Variants in TDRD3 observed in about 807,000 individuals in gnomAD.
The protein encoded by TDRD3 is tudor domain-containing protein 3.
Under a neutral mutation model 86.7 loss-of-function variants are expected in TDRD3, and 45 were observed. The ratio of observed to expected loss-of-function variants is 0.52; its 90% CI spans 0.41 to 0.67. TDRD3 has a LOEUF of 0.67. TDRD3 is among the 30% of genes least tolerant of loss of function. The pLI is 0.00. For synonymous variants in TDRD3, 298 were observed against 301.7 expected, an observed-to-expected ratio of 0.99 and a Z score of 0.13; for missense variants, 814 against 889.0, an observed-to-expected ratio of 0.92 and a Z score of 1.07.
At chr13:60,509,979 T>C (rs1332179923) in intron 9 of TDRD3, 60 bp downstream of exon 9, 2 of 1,554,790 alleles carry the variant, frequency 1.3e-6, no homozygotes, top group African/African-American at 2.7e-5. Context: ...TAATATATGT[T>C]ATTGACAGAG....
intron 12 of TDRD3, among the ~76,000 whole-genome samples, chr13:60,538,644 T>G (rs1268049839): frequency 6.6e-6 from 1 of 152,136 alleles, no homozygotes; most frequent in Non-Finnish European, 1.5e-5. Flanking sequence ...TTCCTACCAC[T>G]GTATGAGAAA....
At chr13:60,467,112 G>A in intron 4 of TDRD3, 126 bp from the exon 5 acceptor site, 1 of 1,107,694 alleles carries the variant, frequency 9.0e-7, no homozygotes, top group Non-Finnish European at 1.3e-6. Context: ...TGCATTAGCT[G>A]TTTTTCCTAA....
intron 1 of TDRD3, among the ~76,000 whole-genome samples, chr13:60,415,993 T>C (rs991422305): frequency 6.6e-6 from 1 of 152,214 alleles, no homozygotes; most frequent in Admixed American, 6.5e-5. Flanking sequence ...TATTTAAAAA[T>C]AGAATCAGTT....
chr13:60,507,060 T>C (rs1956954417), intron 8 of TDRD3, among the ~76,000 whole-genome samples: 1 of 152,170 alleles, frequency 6.6e-6, no homozygotes, highest in African/African-American at 2.4e-5. Context: ...GCAATCCTAG[T>C]GTCTGATGAA....
intron 5 of TDRD3, among the ~76,000 whole-genome samples, chr13:60,479,266 A>G (rs539877167): frequency 2.0e-5 from 3 of 152,360 alleles, no homozygotes; most frequent in African/African-American, 7.2e-5. Context: ...CCCAGAAGTT[A>G]TTCAGGAGTA....
chr13:60,564,615 G>A (rs567959340), intron 12 of TDRD3, among the ~76,000 whole-genome samples: 1 of 152,264 alleles, frequency 6.6e-6, no homozygotes. Context: ...TTGGTTTATA[G>A]ACTCATCTGT....
intron 12 of TDRD3, among the ~76,000 whole-genome samples, chr13:60,563,077 A>T (rs1958372692): frequency 6.6e-6 from 1 of 152,004 alleles, no homozygotes; most frequent in Non-Finnish European, 1.5e-5. Context: ...AAACTACAAA[A>T]ATTAGCTAGG....
chr13:60,463,743 C>T (rs537719657), intron 4 of TDRD3, among the ~76,000 whole-genome samples: 1 of 152,216 alleles, frequency 6.6e-6, no homozygotes, highest in East Asian at 1.9e-4. Flanking sequence ...ATACACATGG[C>T]CAACAGGCAT....
intron 1 of TDRD3, among the ~76,000 whole-genome samples, chr13:60,403,629 TG>T (rs1433729330): frequency 6.6e-6 from 1 of 152,052 alleles, no homozygotes; most frequent in Non-Finnish European, 1.5e-5. Context: ...TTAAGAAGGG[TG>T]TGAAATCAAA....
At chr13:60,429,902 A>G (rs1015666204) in intron 1 of TDRD3, among the ~76,000 whole-genome samples, 1 of 152,170 alleles carries the variant, frequency 6.6e-6, no homozygotes, top group African/African-American at 2.4e-5. Flanking sequence ...ATTTTGTAGA[A>G]TAAACAAGGG....
chr13:60,432,077 G>A (rs980540773), intron 1 of TDRD3, among the ~76,000 whole-genome samples: 1 of 151,970 alleles, frequency 6.6e-6, no homozygotes, highest in Non-Finnish European at 1.5e-5. Flanking sequence ...ATTAATAGAA[G>A]AGGTACTTAG....
At chr13:60,410,759 T>C (rs1397112594) in intron 1 of TDRD3, among the ~76,000 whole-genome samples, 1 of 152,218 alleles carries the variant, frequency 6.6e-6, no homozygotes, top group Non-Finnish European at 1.5e-5. Context: ...CTTTGGTTGC[T>C]ACATTTTGAA....
intron 12 of TDRD3, among the ~76,000 whole-genome samples, chr13:60,553,860 C>T (rs527959416): frequency 6.6e-6 from 1 of 152,158 alleles, no homozygotes; most frequent in East Asian, 1.9e-4. Context: ...AACTATATCA[C>T]AATGTTACTA....
intron 2 of TDRD3, among the ~76,000 whole-genome samples, chr13:60,443,259 T>C (rs1955325305): frequency 6.6e-6 from 1 of 152,020 alleles, no homozygotes. Context: ...AAGGCTGGTG[T>C]AAGAAAGTAT....
At chr13:60,526,837 GTCTT>G (rs1475130416) in intron 10 of TDRD3, among the ~76,000 whole-genome samples, 1 of 151,770 alleles carries the variant, frequency 6.6e-6, no homozygotes, top group Non-Finnish European at 1.5e-5. Flanking sequence ...ACCACTTTGA[GTCTT>G]TTTTTTTCTT....
chr13:60,459,294 CT>C (rs1245473197), intron 3 of TDRD3, among the ~76,000 whole-genome samples: 2 of 152,124 alleles, frequency 1.3e-5, no homozygotes. Flanking sequence ...CCTTTTTCCC[CT>C]AAGGTATGAT....
intron 13 of TDRD3, among the ~76,000 whole-genome samples, chr13:60,568,857 C>CA (rs1302899275): frequency 6.6e-6 from 1 of 152,012 alleles, no homozygotes; most frequent in Non-Finnish European, 1.5e-5. Context: ...TAGAGTCTAC[C>CA]AAAAAAACTA....
rs1287276284 is a variant in TDRD3 at position 60,528,940 on chromosome 13, C to G, written c.1715C>G (p.Thr572Ser). Reference sequence around the variant, plus strand: ...ATTGAAAAACATTTTAATGTAAATACTGATTATCAGAATCCAGTTCGAAGT... The same window carrying G: ...ATTGAAAAACATTTTAATGTAAATAGTGATTATCAGAATCCAGTTCGAAGT... Reference protein sequence around the residue: ...IKIEKHFNVNTDYQNPVRSNS... With the variant: ...IKIEKHFNVNSDYQNPVRSNS... The change falls in exon 11 of 14, where the codon ACT becomes AGT. Residue 572 changes from threonine to serine, a missense_variant. Coordinates refer to ENST00000377881, the MANE Select transcript of TDRD3 (RefSeq NM_001146070.2). 6.2e-7 allele frequency: 1 copy of G among 1,613,730 alleles called. No individual in the cohort carries two copies. The highest frequency in any genetic ancestry group is 1.1e-5 in the South Asian group (1 of 90,978).
chr13:60,545,688 A>C (rs1388155774), intron 12 of TDRD3, among the ~76,000 whole-genome samples: 1 of 152,082 alleles, frequency 6.6e-6, no homozygotes, highest in Non-Finnish European at 1.5e-5. Context: ...TATAAATATT[A>C]TTATTAGGAA....
Sources: gnomAD v4.1 joint callset for allele counts (sites outside exome capture counted in the v4.1 genomes callset) on GRCh38, gnomAD v4.1.1 for gene constraint, MANE v1.5 for transcripts, NCBI Gene and HGNC (gene_info 2026-07-23, HGNC 2026-07-21) for gene names.